Variants in FAM13C observed in about 807,000 individuals in gnomAD.
FAM13C encodes the protein family with sequence similarity 13 member C.
In FAM13C, 37 loss-of-function variants were observed where a neutral mutation model predicts 73.2. The ratio of observed to expected loss-of-function variants is 0.51; its 90% CI spans 0.39 to 0.67. The LOEUF (loss-of-function observed/expected upper bound fraction) is 0.67. Among genes scored for constraint, FAM13C ranks in the 30% least tolerant of loss-of-function variants. The pLI, the probability that FAM13C is intolerant of heterozygous loss-of-function variation, is 0.00. For synonymous variants in FAM13C, 246 were observed against 260.9 expected (o/e 0.94, Z 0.55); for missense variants, 589 against 715.6 (o/e 0.82, Z 2.02).
At chr10:59,337,242 C>T (rs1269809982) in intron 3 of FAM13C, among the ~76,000 whole-genome samples, 1 of 152,230 alleles carries the variant, frequency 6.6e-6, no homozygotes, top group Admixed American at 6.5e-5. Context: ...TTTTCAGAGG[C>T]ATTCTCCCTG....
chr10:59,295,276 G>A (rs1846766349), intron 5 of FAM13C, among the ~76,000 whole-genome samples: 2 of 152,214 alleles, frequency 1.3e-5, no homozygotes, highest in Non-Finnish European at 2.9e-5. Flanking sequence ...ACTTGGCTGA[G>A]CCTGGACCAA....
intron 10 of FAM13C, among the ~76,000 whole-genome samples, chr10:59,256,575 G>T (rs1229259912): frequency 6.6e-6 from 1 of 152,082 alleles, no homozygotes; most frequent in African/African-American, 2.4e-5. Flanking sequence ...GAAACGTGAG[G>T]GTTCCATACC....
rs72808594 is a variant in FAM13C at position 59,351,692 on chromosome 10, C to T, written c.324+578G>A. On this transcript the variant is annotated intron_variant, in intron 3 of 13. Transcript: ENST00000618804. ...TCTTCCCCGCAAAAGAATGCAGCTG[C>T]TCCTTTAAATCAAAGTCCAATCTCC... Among the ~76,000 whole-genome samples the T allele has an allele frequency of 4.2e-3, 639 of 152,230 alleles. 1 individual carries two copies. Among genetic ancestry groups the T allele is most frequent in the Non-Finnish European group, 7.0e-3 (479 of 68,008 alleles).
chr10:59,296,955 T>C (rs553208745), intron 5 of FAM13C: 2 of 152,348 alleles, frequency 1.3e-5, no homozygotes, highest in East Asian at 3.9e-4. Flanking sequence ...TACCTTATTC[T>C]ATAAACACAA....
At chr10:59,262,294 G>GCCTGGCA in intron 10 of FAM13C, 140 bp downstream of exon 10, 2 of 702,206 alleles carry the variant, frequency 2.8e-6, no homozygotes, top group Non-Finnish European at 2.4e-6. Context: ...CCAGTAACCT[G>GCCTGGCA]TCAGGAACTC....
At chr10:59,359,671 A>G (rs978484109) in intron 1 of FAM13C, among the ~76,000 whole-genome samples, 3 of 152,194 alleles carry the variant, frequency 2.0e-5, no homozygotes, top group Non-Finnish European at 2.9e-5. Flanking sequence ...TACCTATAGA[A>G]CTACTATGTT....
In FAM13C at chr10:59,252,908, G is replaced by T; in HGVS notation, c.1423C>A (p.His475Asn). ...DPASHLPVGD[H>N]LTYSNETEPV... ...TCAGTCTCATTAGAGTAGGTGAGGTGGTCACCAACAGGAAGGTGAGATGCT... is the reference window on the plus strand; with the variant it reads ...TCAGTCTCATTAGAGTAGGTGAGGTTGTCACCAACAGGAAGGTGAGATGCT... The change falls in exon 12 of 14, where the codon CAC (histidine) becomes AAC (asparagine). Residue 475 changes from histidine to asparagine, a missense_variant. By Grantham distance (68) the His-to-Asn change is moderately conservative (BLOSUM62 1). Transcript: ENST00000618804. The T allele has an allele frequency of 6.2e-7, 1 of 1,614,034 alleles. No individual in the cohort carries two copies. Among genetic ancestry groups the T allele is most frequent in the Non-Finnish European group, 8.5e-7 (1 of 1,179,970 alleles).
intron 1 of FAM13C, chr10:59,361,128 T>C (rs1264732734): frequency 7.8e-7 from 1 of 1,286,130 alleles, no homozygotes; most frequent in Non-Finnish European, 1.0e-6. Flanking sequence ...AAAGCAACAT[T>C]GCAGCACAGG....
At chr10:59,284,580 T>C (rs1424776232) in intron 5 of FAM13C, among the ~76,000 whole-genome samples, 1 of 107,306 alleles carries the variant, frequency 9.3e-6, no homozygotes, top group African/African-American at 3.8e-5. Flanking sequence ...CCTCACCCCC[T>C]ACTCCACACA....
chr10:59,306,680 A>G (rs1413958625), intron 4 of FAM13C, among the ~76,000 whole-genome samples: 1 of 152,198 alleles, frequency 6.6e-6, no homozygotes, highest in Non-Finnish European at 1.5e-5. Context: ...GTTCGAGACC[A>G]GCCTGGGCAA....
chr10:59,342,951 C>T (rs1853699596), intron 3 of FAM13C, among the ~76,000 whole-genome samples: 1 of 152,204 alleles, frequency 6.6e-6, no homozygotes, highest in Non-Finnish European at 1.5e-5. Context: ...TGTGCATTTG[C>T]ATATGTATGT....
At position 59,322,538 on chromosome 10, in the gene FAM13C, A is replaced by C. The variant is rs868291447; in HGVS notation, c.443+1450T>G. Among the ~76,000 whole-genome samples, 140 of 152,346 alleles carry C rather than the reference A, an allele frequency of 9.2e-4. 1 individual carries two copies. Among genetic ancestry groups the C allele is most frequent in the African/African-American group, 3.1e-3 (128 of 41,594 alleles). On this transcript the variant is annotated intron_variant, in intron 4 of 13. Transcript: ENST00000618804. ...CAAAATGGGATACACAATGGTTTTA[A>C]GTTTACTGAACATCAAGCATCTTTG... is the stretch of plus-strand genomic sequence containing the variant.
At chr10:59,302,991 A>G (rs994884593) in intron 4 of FAM13C, 127 bp from the exon 5 acceptor site, 3 of 735,708 alleles carry the variant, frequency 4.1e-6, no homozygotes, top group Non-Finnish European at 6.8e-6. Flanking sequence ...CACTGCCTGT[A>G]GAATAAAATA....
At chr10:59,306,217 T>C (rs1848230743) in intron 4 of FAM13C, among the ~76,000 whole-genome samples, 2 of 152,166 alleles carry the variant, frequency 1.3e-5, no homozygotes, top group African/African-American at 4.8e-5. Flanking sequence ...CAAACTTTCA[T>C]GGAAGGAAGC....
chr10:59,358,691 AT>A (rs1856018277), intron 1 of FAM13C, among the ~76,000 whole-genome samples: 1 of 152,148 alleles, frequency 6.6e-6, no homozygotes, highest in Admixed American at 6.5e-5. Flanking sequence ...GCAAGAACTT[AT>A]TTTTCCCCCT....
In FAM13C at chr10:59,270,065, C is replaced by T; in HGVS notation, c.637G>A (p.Ala213Thr). 6.2e-7 allele frequency: 1 copy of T among 1,613,668 alleles called. No homozygotes were observed. Among genetic ancestry groups the T allele is most frequent in the South Asian group, 1.1e-5 (1 of 91,078 alleles). The change falls in exon 7 of 14, where the codon GCA (alanine) becomes ACA (threonine). Residue 213 changes from alanine to threonine, a missense_variant. Coordinates refer to ENST00000618804, the MANE Select transcript of FAM13C (RefSeq NM_198215.4). Reference sequence around the variant, plus strand: ...CCCACAGAGTGGAGGTCTTCTGGTGCACTGTCGGCCTCATTCTGCCCATCT... The same window carrying T: ...CCCACAGAGTGGAGGTCTTCTGGTGTACTGTCGGCCTCATTCTGCCCATCT... ...HKDGQNEADSAPEDLHSVGTS... is the reference protein window; with the variant it reads ...HKDGQNEADSTPEDLHSVGTS...
chr10:59,328,024 A>G (rs1302262986), intron 3 of FAM13C, among the ~76,000 whole-genome samples: 1 of 152,192 alleles, frequency 6.6e-6, no homozygotes, highest in African/African-American at 2.4e-5. Context: ...ACCTGGAAGA[A>G]AAGGCATCCC....
In FAM13C at chr10:59,252,823, A is replaced by G; in HGVS notation, c.1508T>C (p.Met503Thr). ...KKEVKPPALSMSNLHEATMPV... is the reference protein window; with the variant it reads ...KKEVKPPALSTSNLHEATMPV... ...CATGGTAGCCTCATGTAAATTAGAC[A>G]TGGAGAGAGCTGGTGGTTTTACTTC... is the stretch of plus-strand genomic sequence containing the variant. The change falls in exon 12 of 14, where the codon ATG (methionine) becomes ACG (threonine). Residue 503 changes from methionine (M) to threonine (T), a missense_variant. Physicochemically the swap from Met to Thr is moderately conservative, Grantham distance 81 (BLOSUM62 -1). Coordinates refer to ENST00000618804, the MANE Select transcript of FAM13C (RefSeq NM_198215.4). 1 of 1,613,982 alleles carries G rather than the reference A, an allele frequency of 6.2e-7. No individual in the cohort carries two copies.
intron 3 of FAM13C, among the ~76,000 whole-genome samples, chr10:59,331,404 G>A (rs149490500): frequency 2.1e-4 from 32 of 152,296 alleles, no homozygotes; most frequent in Admixed American, 1.3e-3. Context: ...AAGGAACTCC[G>A]GATGGGTGAC....
Sources: gnomAD v4.1 joint callset for allele counts (sites outside exome capture counted in the v4.1 genomes callset) on GRCh38, gnomAD v4.1.1 for gene constraint, MANE v1.5 for transcripts, NCBI Gene and HGNC (gene_info 2026-07-23, HGNC 2026-07-21) for gene names.